Variants in RAB38 observed in about 807,000 individuals in gnomAD.
RAB38 encodes the protein RAB38, member RAS oncogene family, also known as ras-related protein Rab-38.
RAB38 carries 15 observed loss-of-function variants against 18.4 expected under a neutral mutation model. The observed-to-expected ratio is 0.82, with a 90% CI of 0.55 to 1.26. The LOEUF is 1.26. RAB38 is among the 50% of genes most tolerant of loss of function. The pLI, the probability that RAB38 is intolerant of heterozygous loss-of-function variation, is 0.00. For synonymous variants in RAB38, 101 were observed against 104.4 expected, an observed-to-expected ratio of 0.97 and a Z score of 0.20; for missense variants, 294 against 267.4, an observed-to-expected ratio of 1.10 and a Z score of -0.69.
chr11:88,052,301 A>G, the RAB38 span, among the ~76,000 whole-genome samples: 1 of 152,220 alleles, frequency 6.6e-6, no homozygotes, highest in African/African-American at 2.4e-5. Context: ...AGAGATCTAT[A>G]GGTCAAAAGC....
chr11:87,860,681 T>C, the RAB38 span, among the ~76,000 whole-genome samples: 15 of 151,966 alleles, frequency 9.9e-5, no homozygotes, highest in African/African-American at 3.6e-4. Flanking sequence ...AAAATAATGC[T>C]AGGGAAATAA....
chr11:88,110,603 G>A (rs967806935), downstream of RAB38, among the ~76,000 whole-genome samples: 7 of 152,186 alleles, frequency 4.6e-5, no homozygotes, highest in South Asian at 2.1e-4. Context: ...CAGATTATGA[G>A]GTCAGGAGTT....
At chr11:87,861,033 C>T in the RAB38 span, among the ~76,000 whole-genome samples, 56 of 151,994 alleles carry the variant, frequency 3.7e-4, no homozygotes, top group Non-Finnish European at 6.3e-4. Context: ...AAATTATTCA[C>T]GCTTTATAAA....
the RAB38 span, among the ~76,000 whole-genome samples, chr11:87,976,479 T>C: frequency 4.2e-5 from 5 of 119,514 alleles, no homozygotes; most frequent in Admixed American, 4.3e-4. Flanking sequence ...CATATAGTTA[T>C]ATATTTTTAT....
chr11:87,840,412 G>T, the RAB38 span, among the ~76,000 whole-genome samples: 2 of 152,280 alleles, frequency 1.3e-5, no homozygotes, highest in African/African-American at 4.8e-5. Context: ...GAAAGTTGGC[G>T]ATTGGATTTC....
At chr11:87,965,590 G>A in the RAB38 span, among the ~76,000 whole-genome samples, 1 of 152,078 alleles carries the variant, frequency 6.6e-6, no homozygotes, top group Non-Finnish European at 1.5e-5. Flanking sequence ...GTATGGAGGG[G>A]TGAAAGAAAG....
the RAB38 span, among the ~76,000 whole-genome samples, chr11:88,084,257 C>A: frequency 2.0e-5 from 3 of 151,014 alleles, no homozygotes; most frequent in East Asian, 5.9e-4. Context: ...TGTGGTTGAA[C>A]GAGGAGAAAA....
At chr11:87,832,108 C>T in the RAB38 span, among the ~76,000 whole-genome samples, 1 of 152,196 alleles carries the variant, frequency 6.6e-6, no homozygotes, top group African/African-American at 2.4e-5. Flanking sequence ...TAAATGTTCA[C>T]TGCCTCATTT....
intron 1 of RAB38, among the ~76,000 whole-genome samples, chr11:88,158,912 A>G (rs944808093): frequency 6.6e-6 from 1 of 152,112 alleles, no homozygotes; most frequent in African/African-American, 2.4e-5. Context: ...TGGAAGTGCT[A>G]GCCAGAGCAA....
At chr11:87,955,979 A>G in the RAB38 span, among the ~76,000 whole-genome samples, 1 of 151,900 alleles carries the variant, frequency 6.6e-6, no homozygotes, top group Admixed American at 6.6e-5. Flanking sequence ...ATTTTATAAA[A>G]CTCTTGCTTC....
chr11:88,098,512 T>A, the RAB38 span: 1 of 152,020 alleles, frequency 6.6e-6, no homozygotes, highest in South Asian at 2.1e-4. Context: ...CTTAGCTAGT[T>A]GCATGACCTC....
intron 1 of RAB38, among the ~76,000 whole-genome samples, chr11:88,172,617 A>ATGCATTCTTATCTGT (rs1416500039): frequency 6.6e-6 from 1 of 152,196 alleles, no homozygotes; most frequent in Non-Finnish European, 1.5e-5. Context: ...TTGAACACTA[A>ATGCATTCTTATCTGT]GGACGGAGAG....
At chr11:87,843,508 G>T in the RAB38 span, among the ~76,000 whole-genome samples, 1 of 152,264 alleles carries the variant, frequency 6.6e-6, no homozygotes, top group East Asian at 1.9e-4. Context: ...CCAGGGGGTT[G>T]CACCTTAAGT....
chr11:88,137,673 C>T (rs1942853494), intron 2 of RAB38, among the ~76,000 whole-genome samples: 2 of 152,028 alleles, frequency 1.3e-5, no homozygotes, highest in African/African-American at 2.4e-5. Context: ...TTTTTCAGAA[C>T]ATGAGTTTGT....
chr11:87,952,041 CAATTTGGGGAGCTGAGTG>C, the RAB38 span, among the ~76,000 whole-genome samples: 1 of 152,062 alleles, frequency 6.6e-6, no homozygotes, highest in African/African-American at 2.4e-5. Flanking sequence ...GGAGCTGAGT[CAATTTGGGGAGCTGAGTG>C]AAATACGTGG....
At chr11:87,953,887 G>A in the RAB38 span, among the ~76,000 whole-genome samples, 1 of 151,490 alleles carries the variant, frequency 6.6e-6, no homozygotes, top group African/African-American at 2.4e-5. Context: ...TATTTGTCAG[G>A]TTGAACAATT....
chr11:88,030,600 C>T, the RAB38 span, among the ~76,000 whole-genome samples: 3 of 152,156 alleles, frequency 2.0e-5, no homozygotes, highest in African/African-American at 7.2e-5. Flanking sequence ...ACAAAAACAC[C>T]TCTACGCAAA....
chr11:87,842,536 A>G, the RAB38 span, among the ~76,000 whole-genome samples: 1 of 152,298 alleles, frequency 6.6e-6, no homozygotes, highest in Non-Finnish European at 1.5e-5. Flanking sequence ...TATCTGGGAA[A>G]TTAATTTGTG....
At chr11:87,837,791 G>C in the RAB38 span, among the ~76,000 whole-genome samples, 1 of 152,196 alleles carries the variant, frequency 6.6e-6, no homozygotes, top group African/African-American at 2.4e-5. Flanking sequence ...TAAAGTCTTT[G>C]CATTTTCCAT....
Sources: allele counts gnomAD v4.1 joint callset (sites outside exome capture counted in the v4.1 genomes callset), GRCh38; gene constraint gnomAD v4.1.1; transcripts MANE v1.5; gene names NCBI Gene and HGNC (gene_info 2026-07-23, HGNC 2026-07-21).